SLC35F1: variants seen among roughly 807,000 people sequenced by gnomAD.
SLC35F1 encodes the protein chromosome 6 open reading frame 169.
Under a neutral mutation model 48.7 loss-of-function variants are expected in SLC35F1, and 14 were observed. That is an observed-to-expected ratio of 0.29 (90% CI 0.19 to 0.45). SLC35F1 has a LOEUF of 0.45. Ranked by LOEUF, SLC35F1 falls within the 20% of genes least tolerant of loss-of-function variation. The pLI is 1.00. For synonymous variants in SLC35F1, 190 were observed against 202.2 expected (o/e 0.94, Z 0.51); for missense variants, 404 against 500.0 (o/e 0.81, Z 1.83).
intron 1 of SLC35F1, among the ~76,000 whole-genome samples, chr6:118,108,621 T>A (rs1298992884): frequency 2.0e-5 from 3 of 152,174 alleles, no homozygotes; most frequent in African/African-American, 7.2e-5. Flanking sequence ...ACTTGGAAAT[T>A]TTTTCTCAAG....
At chr6:118,077,196 G>A (rs182392586) in intron 1 of SLC35F1, among the ~76,000 whole-genome samples, 2 of 152,328 alleles carry the variant, frequency 1.3e-5, no homozygotes, top group Admixed American at 6.5e-5. Flanking sequence ...GGTGCAAAGT[G>A]CAGTGTGTGC....
chr6:118,194,622 A>G (rs976443131), intron 2 of SLC35F1, among the ~76,000 whole-genome samples: 3 of 152,178 alleles, frequency 2.0e-5, no homozygotes, highest in African/African-American at 7.2e-5. Context: ...AATTCATATC[A>G]CAAAATACAC....
At chr6:117,951,495 G>T (rs1426354672) in intron 1 of SLC35F1, among the ~76,000 whole-genome samples, 1 of 152,100 alleles carries the variant, frequency 6.6e-6, no homozygotes, top group Non-Finnish European at 1.5e-5. Flanking sequence ...TGAGTGATGT[G>T]GGGAAAATTA....
At chr6:118,180,632 A>G (rs560456712) in intron 2 of SLC35F1, among the ~76,000 whole-genome samples, 116 of 152,258 alleles carry the variant, frequency 7.6e-4, no homozygotes, top group African/African-American at 2.6e-3. Context: ...GCGAACTGAA[A>G]GTTAGTTCTT....
chr6:118,023,841 A>C (rs1200560877), intron 1 of SLC35F1, among the ~76,000 whole-genome samples: 1 of 152,216 alleles, frequency 6.6e-6, no homozygotes, highest in Non-Finnish European at 1.5e-5. Context: ...GTAAAAAAGG[A>C]AACTGCTCTC....
rs143803387 is a variant in SLC35F1 at position 118,015,536 on chromosome 6, G to A, written c.173+107637G>A. ...ATTTAGCTCCCACAGAGAACATGCG[G>A]TGTTTGGGTTTCTGTTCCTGCATTA... On this transcript the variant is annotated intron_variant, in intron 1 of 7. Coordinates refer to ENST00000360388, the MANE Select transcript of SLC35F1 (RefSeq NM_001029858.4). 1.4e-4 allele frequency among the ~76,000 whole-genome samples: 22 copies of A among 151,768 alleles called. No individual in the cohort carries two copies. In the East Asian group the frequency reaches 4.3e-3, roughly 30 times the overall value.
intron 3 of SLC35F1, among the ~76,000 whole-genome samples, chr6:118,238,581 C>T (rs1285539842): frequency 6.6e-6 from 1 of 151,988 alleles, no homozygotes; most frequent in African/African-American, 2.4e-5. Flanking sequence ...TCCCATCTTT[C>T]CCCTCTACTG....
At chr6:118,292,687 GTT>G (rs11307519) in intron 7 of SLC35F1, among the ~76,000 whole-genome samples, 119 of 144,930 alleles carry the variant, frequency 8.2e-4, no homozygotes, top group Middle Eastern at 3.7e-3. Flanking sequence ...TTATTTGGTT[GTT>G]TTTTTTTTTT....
chr6:118,277,488 T>A lies in SLC35F1; in HGVS notation c.795-6T>A. ...CTCATCAGGTTCATTTCCTTTGAAT[T>A]TGCAGAGCTATAATGGAGCATAAGG... On this transcript the variant is annotated splice_region_variant and splice_polypyrimidine_tract_variant and intron_variant, in intron 5 of 7. Coordinates refer to ENST00000360388, the MANE Select transcript of SLC35F1 (RefSeq NM_001029858.4). 6.2e-7 allele frequency: 1 copy of A among 1,613,734 alleles called. No homozygotes were observed. The highest frequency in any genetic ancestry group is 8.5e-7 in the Non-Finnish European group (1 of 1,179,698).
At chr6:117,956,692 A>G (rs1373501161) in intron 1 of SLC35F1, among the ~76,000 whole-genome samples, 2 of 152,192 alleles carry the variant, frequency 1.3e-5, no homozygotes, top group Non-Finnish European at 1.5e-5. Flanking sequence ...AGTGCCTACA[A>G]GGGAAGCTTT....
chr6:117,981,566 G>T (rs1248023781), intron 1 of SLC35F1, among the ~76,000 whole-genome samples: 1 of 152,112 alleles, frequency 6.6e-6, no homozygotes, highest in Non-Finnish European at 1.5e-5. Context: ...TTACATTATT[G>T]AAATGCCTCT....
At chr6:118,028,060 G>T (rs4395763) in intron 1 of SLC35F1, among the ~76,000 whole-genome samples, 148,822 of 152,262 alleles carry the variant, frequency 0.98, 72,826 homozygotes, top group Middle Eastern at 1. Context: ...GCAAAGTTAT[G>T]GGTTTATTTT....
At chr6:118,306,641 T>C (rs1776315138) in intron 7 of SLC35F1, among the ~76,000 whole-genome samples, 1 of 152,232 alleles carries the variant, frequency 6.6e-6, no homozygotes, top group South Asian at 2.1e-4. Flanking sequence ...AAATGAGCCA[T>C]TGAATGGCCT....
At chr6:118,185,827 T>G (rs546307832) in intron 2 of SLC35F1, among the ~76,000 whole-genome samples, 1 of 152,222 alleles carries the variant, frequency 6.6e-6, no homozygotes, top group East Asian at 1.9e-4. Context: ...ATGTCAAAGA[T>G]TGGGGTTTTT....
chr6:117,998,983 G>A, intron 1 of SLC35F1: 1 of 1,180,936 alleles, frequency 8.5e-7, no homozygotes, highest in East Asian at 2.3e-5. Flanking sequence ...ACATGGCCAA[G>A]TCCAAGAACC....
At chr6:118,062,799 TTAAC>T (rs552919566) in intron 1 of SLC35F1, among the ~76,000 whole-genome samples, 114 of 152,254 alleles carry the variant, frequency 7.5e-4, no homozygotes, top group African/African-American at 2.5e-3. Context: ...TTGCTGAAGT[TTAAC>T]TAATTGGATA....
At chr6:118,280,541 A>G (rs1775968741) in intron 6 of SLC35F1, among the ~76,000 whole-genome samples, 1 of 152,164 alleles carries the variant, frequency 6.6e-6, no homozygotes, top group Non-Finnish European at 1.5e-5. Context: ...ATATGGAATA[A>G]TGGGACTACA....
chr6:118,267,801 A>G (rs1775793790), intron 4 of SLC35F1, among the ~76,000 whole-genome samples: 1 of 152,242 alleles, frequency 6.6e-6, no homozygotes, highest in Admixed American at 6.5e-5. Context: ...TGCATGATTC[A>G]CTCATCAAAT....
intron 1 of SLC35F1, among the ~76,000 whole-genome samples, chr6:118,117,832 C>T (rs771456328): frequency 1.8e-4 from 27 of 152,070 alleles, no homozygotes; most frequent in Non-Finnish European, 3.4e-4. Context: ...AGTCACACAC[C>T]GTGCATTCTC....
Sources: gnomAD v4.1 joint callset for allele counts (sites outside exome capture counted in the v4.1 genomes callset) on GRCh38, gnomAD v4.1.1 for gene constraint, MANE v1.5 for transcripts, NCBI Gene and HGNC (gene_info 2026-07-23, HGNC 2026-07-21) for gene names.